The following LOC400499 variants were observed in gnomAD, a reference collection of about 807,000 sequenced individuals.
At chr16:11,412,703 C>T in the LOC400499 span, 1 of 395,966 alleles carries the variant, frequency 2.5e-6, no homozygotes, top group African/African-American at 2.1e-5. Flanking sequence ...TACTTGGCCT[C>T]TCTGAGCCTC....
At chr16:11,490,516 G>T in the LOC400499 span, among the ~76,000 whole-genome samples, 7 of 151,920 alleles carry the variant, frequency 4.6e-5, no homozygotes, top group African/African-American at 1.7e-4. Flanking sequence ...TGGCTAATGT[G>T]GTGAAACCCC....
At chr16:11,440,130 G>T in the LOC400499 span, among the ~76,000 whole-genome samples, 5 of 152,224 alleles carry the variant, frequency 3.3e-5, no homozygotes, top group East Asian at 9.7e-4. Flanking sequence ...TGGGGACAGT[G>T]TCACCCAGCA....
chr16:11,403,103 C>T, the LOC400499 span, among the ~76,000 whole-genome samples: 1 of 151,892 alleles, frequency 6.6e-6, no homozygotes, highest in Non-Finnish European at 1.5e-5. Context: ...ACCCCATCTC[C>T]TGAGGCCCCT....
At chr16:11,473,062 G>C in the LOC400499 span, 1 of 151,936 alleles carries the variant, frequency 6.6e-6, no homozygotes, top group Non-Finnish European at 1.5e-5. Flanking sequence ...GTTGCAGAGA[G>C]CCGAGATTGC....
chr16:11,423,650 T>C, the LOC400499 span, among the ~76,000 whole-genome samples: 1 of 152,234 alleles, frequency 6.6e-6, no homozygotes, highest in Admixed American at 6.5e-5. Context: ...TCTCCCACCA[T>C]GGACGGTTTA....
At chr16:11,519,501 G>T in the LOC400499 span, among the ~76,000 whole-genome samples, 1 of 152,064 alleles carries the variant, frequency 6.6e-6, no homozygotes, top group Non-Finnish European at 1.5e-5. Flanking sequence ...CTTTGGGAGG[G>T]CAAGGCAGGC....
the LOC400499 span, among the ~76,000 whole-genome samples, chr16:11,450,337 G>C: frequency 1.3e-5 from 2 of 152,338 alleles, no homozygotes; most frequent in African/African-American, 4.8e-5. Flanking sequence ...TGTTTCCAAA[G>C]TCCCGTTTGA....
chr16:11,514,788 G>C, the LOC400499 span, among the ~76,000 whole-genome samples: 1 of 152,212 alleles, frequency 6.6e-6, no homozygotes, highest in Non-Finnish European at 1.5e-5. Flanking sequence ...GGGGAAACAA[G>C]AAAGTCTAGC....
chr16:11,504,539 G>A, the LOC400499 span, among the ~76,000 whole-genome samples: 5 of 151,794 alleles, frequency 3.3e-5, no homozygotes, highest in East Asian at 5.8e-4. Context: ...CTGAGCAACA[G>A]AGCGAGACTC....
the LOC400499 span, among the ~76,000 whole-genome samples, chr16:11,411,035 T>G: frequency 6.6e-6 from 1 of 152,236 alleles, no homozygotes; most frequent in South Asian, 2.1e-4. Flanking sequence ...TGAGCCTGAC[T>G]GGGGGCCACG....
the LOC400499 span, chr16:11,494,703 C>G: frequency 1.8e-4 from 71 of 399,088 alleles, 1 homozygote; most frequent in East Asian, 2.5e-3. Context: ...AGGTTGTGCA[C>G]CAGGGCTGAG....
the LOC400499 span, chr16:11,450,687 G>C: frequency 3.3e-6 from 5 of 1,536,178 alleles, no homozygotes; most frequent in South Asian, 3.6e-5. Flanking sequence ...AGCCCACGCT[G>C]ACCACCAGGT....
At chr16:11,485,868 G>T in the LOC400499 span, among the ~76,000 whole-genome samples, 5 of 152,226 alleles carry the variant, frequency 3.3e-5, no homozygotes, top group Non-Finnish European at 7.3e-5. Context: ...TGGATGAGTG[G>T]GAAAACAGAT....
chr16:11,406,993 T>C, the LOC400499 span, among the ~76,000 whole-genome samples: 1 of 152,274 alleles, frequency 6.6e-6, no homozygotes, highest in African/African-American at 2.4e-5. Context: ...CCCCAGCTTC[T>C]GAAATAGTGC....
At chr16:11,443,578 G>A in the LOC400499 span, 2 of 316,456 alleles carry the variant, frequency 6.3e-6, no homozygotes. Context: ...TGCTCTCCCA[G>A]AGTATCAACT....
At chr16:11,506,595 C>A in the LOC400499 span, among the ~76,000 whole-genome samples, 1 of 152,188 alleles carries the variant, frequency 6.6e-6, no homozygotes, top group Non-Finnish European at 1.5e-5. Flanking sequence ...TGTCTGTCCC[C>A]TCCCAACCCC....
chr16:11,449,072 G>C, the LOC400499 span: 3 of 1,483,264 alleles, frequency 2.0e-6, no homozygotes, highest in Non-Finnish European at 2.7e-6. Context: ...TCCAGCTGTG[G>C]AAGAGGCTCT....
chr16:11,444,602 G>C, the LOC400499 span, among the ~76,000 whole-genome samples: 2 of 152,180 alleles, frequency 1.3e-5, no homozygotes, highest in Non-Finnish European at 1.5e-5. Context: ...GTTACTATCT[G>C]GTTCTTTCCA....
chr16:11,446,550 C>G, the LOC400499 span: 2 of 1,536,020 alleles, frequency 1.3e-6, no homozygotes, highest in Non-Finnish European at 1.7e-6. Flanking sequence ...CTGCTCTTAC[C>G]GTGTGCTGAT....
Sources: gnomAD v4.1 joint callset for allele counts (sites outside exome capture counted in the v4.1 genomes callset) on GRCh38, gnomAD v4.1.1 for gene constraint, MANE v1.5 for transcripts.